RBFOX1: variants seen among roughly 807,000 people sequenced by gnomAD.
The protein encoded by RBFOX1 is RNA binding protein fox-1 homolog 1.
Under a neutral mutation model 57.7 loss-of-function variants are expected in RBFOX1, and 8 were observed. The observed-to-expected ratio is 0.14, with a 90% CI of 0.08 to 0.25. The LOEUF is 0.25. Ranked by LOEUF, RBFOX1 falls within the 10% of genes least tolerant of loss-of-function variation. The pLI is 1.00. For missense variants in RBFOX1, 611 were observed against 548.5 expected (o/e 1.11, Z -1.14); for synonymous variants, 326 against 222.4 (o/e 1.47, Z -4.15).
At chr16:5,682,686 G>A (rs896819618) in intron 3 of RBFOX1, among the ~76,000 whole-genome samples, 8 of 152,160 alleles carry the variant, frequency 5.3e-5, no homozygotes, top group African/African-American at 1.9e-4. Context: ...AAAAGCTCAG[G>A]TTTTATCCAA....
intron 4 of RBFOX1, among the ~76,000 whole-genome samples, chr16:7,473,688 G>A (rs529751362): frequency 1.3e-5 from 2 of 152,018 alleles, no homozygotes; most frequent in African/African-American, 4.8e-5. Flanking sequence ...GAAAGAGAGA[G>A]AATGTGGTGG....
chr16:7,515,123 C>T (rs2076074741), intron 4 of RBFOX1, among the ~76,000 whole-genome samples: 1 of 152,098 alleles, frequency 6.6e-6, no homozygotes, highest in African/African-American at 2.4e-5. Flanking sequence ...CAGATGATTC[C>T]CAAGATCCCA....
intron 5 of RBFOX1, among the ~76,000 whole-genome samples, chr16:7,519,455 A>C (rs2077063242): frequency 6.6e-6 from 1 of 152,220 alleles, no homozygotes; most frequent in Admixed American, 6.5e-5. Context: ...CAAATGATGA[A>C]ATGGATTAGA....
intron 3 of RBFOX1, among the ~76,000 whole-genome samples, chr16:6,905,351 C>T (rs555742240): frequency 1.3e-4 from 19 of 151,904 alleles, no homozygotes; most frequent in East Asian, 9.7e-4. Context: ...GTTGGGAGTT[C>T]GAGACTCCCA....
chr16:7,667,921 G>A (rs912353180), intron 13 of RBFOX1, among the ~76,000 whole-genome samples: 4 of 152,030 alleles, frequency 2.6e-5, no homozygotes, highest in Admixed American at 2.0e-4. Flanking sequence ...TGATCCATCC[G>A]CCTCGGTCTC....
At chr16:5,976,197 T>G (rs1002069757) in intron 4 of RBFOX1, among the ~76,000 whole-genome samples, 2 of 152,116 alleles carry the variant, frequency 1.3e-5, no homozygotes, top group Non-Finnish European at 2.9e-5. Flanking sequence ...TAGTATTTTC[T>G]AGCCCGCCAC....
At chr16:5,537,104 T>G (rs2044731824) in intron 2 of RBFOX1, among the ~76,000 whole-genome samples, 1 of 152,194 alleles carries the variant, frequency 6.6e-6, no homozygotes, top group Admixed American at 6.5e-5. Flanking sequence ...CTGCTAGCAG[T>G]CTGTTCATGT....
At chr16:7,027,811 G>C (rs2041432052) in intron 3 of RBFOX1, among the ~76,000 whole-genome samples, 3 of 151,730 alleles carry the variant, frequency 2.0e-5, no homozygotes, top group South Asian at 4.2e-4. Flanking sequence ...AGAAATAAAT[G>C]AGAAAGAAGG....
chr16:6,654,088 C>A (rs2098627249), intron 2 of RBFOX1, among the ~76,000 whole-genome samples: 1 of 141,680 alleles, frequency 7.1e-6, no homozygotes, highest in African/African-American at 2.6e-5. Context: ...ATGATTAGAT[C>A]AATGGGCATG....
At chr16:6,835,424 A>G (rs1016355215) in intron 3 of RBFOX1, among the ~76,000 whole-genome samples, 1 of 152,052 alleles carries the variant, frequency 6.6e-6, no homozygotes, top group Admixed American at 6.6e-5. Context: ...AATCACATTA[A>G]CTTCCAAATC....
At chr16:5,934,951 G>T (rs765949785) in intron 4 of RBFOX1, among the ~76,000 whole-genome samples, 1 of 152,162 alleles carries the variant, frequency 6.6e-6, no homozygotes, top group South Asian at 2.1e-4. Flanking sequence ...ACACACCTGT[G>T]GGTAATTAAT....
chr16:7,305,628 C>T (rs2096163149), intron 4 of RBFOX1, among the ~76,000 whole-genome samples: 1 of 152,166 alleles, frequency 6.6e-6, no homozygotes, highest in African/African-American at 2.4e-5. Context: ...CCCTCAATTT[C>T]AACCTGTGTT....
chr16:7,096,700 C>G (rs770776218), intron 4 of RBFOX1, among the ~76,000 whole-genome samples: 2 of 151,756 alleles, frequency 1.3e-5, no homozygotes, highest in Non-Finnish European at 1.5e-5. Flanking sequence ...GGGAGGCTGA[C>G]GCAGGTATAT....
intron 1 of RBFOX1, among the ~76,000 whole-genome samples, chr16:5,350,917 G>T (rs987720550): frequency 2.0e-5 from 3 of 151,930 alleles, no homozygotes; most frequent in Non-Finnish European, 4.4e-5. Context: ...AATGCATCTC[G>T]CAGGGTTGTG....
intron 3 of RBFOX1, among the ~76,000 whole-genome samples, chr16:6,865,414 C>T (rs370246390): frequency 2.0e-5 from 3 of 151,996 alleles, no homozygotes; most frequent in African/African-American, 4.8e-5. Context: ...TCTAATTTTA[C>T]CAGTGTTTAT....
chr16:5,588,340 T>G (rs1358615578), intron 2 of RBFOX1, among the ~76,000 whole-genome samples: 1 of 151,998 alleles, frequency 6.6e-6, no homozygotes, highest in Non-Finnish European at 1.5e-5. Flanking sequence ...AATGGAAGAA[T>G]TACTAGGTGA....
At chr16:5,671,540 C>T (rs998618155) in intron 3 of RBFOX1, among the ~76,000 whole-genome samples, 9 of 152,206 alleles carry the variant, frequency 5.9e-5, no homozygotes, top group African/African-American at 9.7e-5. Context: ...TTAGGAATGT[C>T]AGTCATGGGT....
intron 2 of RBFOX1, among the ~76,000 whole-genome samples, chr16:6,449,572 A>G (rs1224140690): frequency 6.6e-6 from 1 of 152,182 alleles, no homozygotes; most frequent in Non-Finnish European, 1.5e-5. Flanking sequence ...CCCCTTTTCC[A>G]CTGCACACAG....
intron 3 of RBFOX1, among the ~76,000 whole-genome samples, chr16:6,781,957 T>C (rs1385571565): frequency 6.6e-6 from 1 of 152,188 alleles, no homozygotes. Context: ...AGCCTGCTCT[T>C]ACTTTTCTAG....
Sources: allele counts gnomAD v4.1 joint callset (sites outside exome capture counted in the v4.1 genomes callset), GRCh38; gene constraint gnomAD v4.1.1; transcripts MANE v1.5; gene names NCBI Gene and HGNC (gene_info 2026-07-23, HGNC 2026-07-21).